The following POLR3B variants were observed in gnomAD, a reference collection of about 807,000 sequenced individuals.
The protein encoded by POLR3B is RNA polymerase III subunit B.
Under a neutral mutation model 147.4 loss-of-function variants are expected in POLR3B, and 96 were observed. That is an observed-to-expected ratio of 0.65 (90% confidence interval 0.55 to 0.77). The LOEUF (loss-of-function observed/expected upper bound fraction) is 0.77, where lower values mean the gene tolerates loss of function less well. Ranked by LOEUF, POLR3B falls within the 30% of genes least tolerant of loss-of-function variation. The pLI, the probability that POLR3B is intolerant of heterozygous loss-of-function variation, is 0.00. For synonymous variants in POLR3B, 461 were observed against 485.9 expected, an observed-to-expected ratio of 0.95 and a Z score of 0.67; for missense variants, 1,036 against 1,413.5, an observed-to-expected ratio of 0.73 and a Z score of 4.28.
chr12:106,409,237 A>G (rs553116208), intron 11 of POLR3B, among the ~76,000 whole-genome samples: 62 of 151,930 alleles, frequency 4.1e-4, no homozygotes, highest in Non-Finnish European at 6.6e-4. Context: ...TAAATGGAGG[A>G]CCATACAGCT....
At chr12:106,365,872 A>AT (rs2036529234) in intron 2 of POLR3B, among the ~76,000 whole-genome samples, 3 of 146,072 alleles carry the variant, frequency 2.1e-5, no homozygotes, top group African/African-American at 4.9e-5. Flanking sequence ...AAAAAAAAAA[A>AT]ATTTTTTTTT....
At chr12:106,470,011 G>A (rs2038068075) in intron 23 of POLR3B, among the ~76,000 whole-genome samples, 3 of 152,152 alleles carry the variant, frequency 2.0e-5, no homozygotes, top group Admixed American at 6.5e-5. Context: ...TGCTAGGTTG[G>A]GGAAGTTCTC....
chr12:106,383,645 C>T (rs1479834760), intron 9 of POLR3B, among the ~76,000 whole-genome samples: 6 of 152,070 alleles, frequency 3.9e-5, no homozygotes, highest in Admixed American at 6.6e-5. Flanking sequence ...CTTACGAGCA[C>T]GGTTTGTGGC....
intron 9 of POLR3B, among the ~76,000 whole-genome samples, chr12:106,381,189 A>T (rs1320363549): frequency 6.6e-6 from 1 of 152,210 alleles, no homozygotes; most frequent in Non-Finnish European, 1.5e-5. Flanking sequence ...ATTTTCTTAA[A>T]ATAAGACATC....
At chr12:106,366,819 T>A (rs1287449721) in intron 4 of POLR3B, 97 bp downstream of exon 4, 2 of 1,051,920 alleles carry the variant, frequency 1.9e-6, no homozygotes, top group Admixed American at 1.8e-5. Flanking sequence ...AATCATTGTC[T>A]TGGCCAGGCT....
At chr12:106,487,477 T>C (rs975157511) in intron 23 of POLR3B, among the ~76,000 whole-genome samples, 2 of 152,244 alleles carry the variant, frequency 1.3e-5, no homozygotes, top group Non-Finnish European at 2.9e-5. Flanking sequence ...TTTTTCTCTC[T>C]CCATTTAGAG....
In POLR3B at chr12:106,366,733, A is replaced by G; in HGVS notation, c.227+11A>G. 1.3e-6 allele frequency: 2 copies of G among 1,592,056 alleles called. No individual in the cohort carries two copies. The highest frequency in any genetic ancestry group is 1.7e-6 in the Non-Finnish European group (2 of 1,160,252). ...TATGTGGTACTTAAAGTAAGGAACC[A>G]ACATTCTTAATTTGCTATGTGGGTT... On this transcript the variant is annotated intron_variant, in intron 4 of 27. Coordinates refer to ENST00000228347, the MANE Select transcript of POLR3B (RefSeq NM_018082.6).
chr12:106,433,333 A>G (rs1320918629), intron 15 of POLR3B, among the ~76,000 whole-genome samples: 1 of 152,246 alleles, frequency 6.6e-6, no homozygotes, highest in Non-Finnish European at 1.5e-5. Context: ...CAGTTTAATA[A>G]TAGCAGTTAG....
At chr12:106,494,132 A>G (rs561390422) in intron 23 of POLR3B, among the ~76,000 whole-genome samples, 1 of 152,338 alleles carries the variant, frequency 6.6e-6, no homozygotes, top group African/African-American at 2.4e-5. Context: ...AGAGATTCAC[A>G]TTTCAGTGGA....
rs556796605 is a variant in POLR3B at position 106,462,284 on chromosome 12, A to G, written c.2571-1194A>G. On this transcript the variant is annotated intron_variant, in intron 22 of 27. Coordinates refer to ENST00000228347, the MANE Select transcript of POLR3B (RefSeq NM_018082.6). ...TCTTTTTGAGACGGAGTCTCGCTCTATTGCCCAGGCTGGAGTGCAGTGGCA... is the reference window on the plus strand; with the variant it reads ...TCTTTTTGAGACGGAGTCTCGCTCTGTTGCCCAGGCTGGAGTGCAGTGGCA... 2.3e-4 allele frequency among the ~76,000 whole-genome samples: 35 copies of G among 151,762 alleles called. 1 individual carries two copies. The highest frequency in any genetic ancestry group is 1.4e-3 in the East Asian group (7 of 5,134).
intron 10 of POLR3B, among the ~76,000 whole-genome samples, chr12:106,399,734 A>G (rs1423770886): frequency 6.6e-6 from 1 of 152,200 alleles, no homozygotes; most frequent in East Asian, 1.9e-4. Context: ...ACTAAGCTTC[A>G]TAAGTGAAGG....
At chr12:106,485,182 C>G (rs12320538) in intron 23 of POLR3B, among the ~76,000 whole-genome samples, 39 of 152,068 alleles carry the variant, frequency 2.6e-4, no homozygotes, top group African/African-American at 9.4e-4. Flanking sequence ...AGGATCATCC[C>G]GTGGCAGACA....
At chr12:106,459,219 C>T (rs765007649) in intron 21 of POLR3B, 32 bp from the exon 22 acceptor site, 11 of 1,160,550 alleles carry the variant, frequency 9.5e-6, no homozygotes, top group African/African-American at 3.0e-5. Flanking sequence ...CAGATGATAA[C>T]GATGTGCCTA....
chr12:106,481,610 C>G (rs2038269028), intron 23 of POLR3B, among the ~76,000 whole-genome samples: 2 of 152,196 alleles, frequency 1.3e-5, no homozygotes. Flanking sequence ...TCTTTATCAG[C>G]TTTCAAAGTT....
intron 12 of POLR3B, among the ~76,000 whole-genome samples, chr12:106,417,561 T>C (rs922066301): frequency 1.3e-5 from 2 of 152,052 alleles, no homozygotes; most frequent in Non-Finnish European, 2.9e-5. Context: ...AGATGAGAGA[T>C]AGTGCGGCTG....
At chr12:106,471,915 G>A (rs1316603083) in intron 23 of POLR3B, among the ~76,000 whole-genome samples, 6 of 150,736 alleles carry the variant, frequency 4.0e-5, no homozygotes, top group African/African-American at 1.5e-4. Flanking sequence ...ACATTGTGCA[G>A]GTTAGTTACA....
chr12:106,504,361 A>T lies in POLR3B; in HGVS notation c.3272+107A>T. ...GCATATTCTCCAGCCTCTGTCTGTG[A>T]TCACTAACATACCCTCCCTCATGCA... is the stretch of plus-strand genomic sequence containing the variant. On this transcript the variant is annotated intron_variant, in intron 27 of 27. Coordinates refer to ENST00000228347, the MANE Select transcript of POLR3B (RefSeq NM_018082.6). The surrounding 1 kb of genome is among the most constrained non-coding windows in gnomAD (Gnocchi z 4.6). 1.1e-6 allele frequency: 1 copy of T among 884,350 alleles called. No individual in the cohort carries two copies. Among genetic ancestry groups the T allele is most frequent in the Non-Finnish European group, 1.9e-6 (1 of 521,512 alleles). 54.8% of individuals were successfully genotyped at this position (884,350 alleles called of 1,614,324 possible).
intron 12 of POLR3B, among the ~76,000 whole-genome samples, chr12:106,417,119 T>G (rs2136943578): frequency 6.6e-6 from 1 of 152,292 alleles, no homozygotes; most frequent in Non-Finnish European, 1.5e-5. Context: ...CCTTTTAGAT[T>G]GTAAGCTCAT....
chr12:106,493,663 T>G (rs1408341832), intron 23 of POLR3B, among the ~76,000 whole-genome samples: 1 of 152,250 alleles, frequency 6.6e-6, no homozygotes, highest in East Asian at 1.9e-4. Context: ...TCACTAGTGC[T>G]CTTCATCTAA....
Sources: gnomAD v4.1 joint callset for allele counts (sites outside exome capture counted in the v4.1 genomes callset) on GRCh38, gnomAD v4.1.1 for gene constraint, Gnocchi (gnomAD v3.1) non-coding constraint, MANE v1.5 for transcripts, NCBI Gene and HGNC (gene_info 2026-07-23, HGNC 2026-07-21) for gene names.